The following BDP1 variants were observed in gnomAD, a reference collection of about 807,000 sequenced individuals.
BDP1 encodes the protein transcription factor TFIIIB component B'' homolog.
BDP1 carries 169 observed loss-of-function variants against 266.6 expected under a neutral mutation model. That is an observed-to-expected ratio of 0.63 (90% CI 0.56 to 0.72). BDP1 has a LOEUF of 0.72. BDP1 is among the 30% of genes least tolerant of loss of function. The probability of loss-of-function intolerance (pLI) is 0.00; values close to 1 mark genes in which losing one functional copy is unlikely to be tolerated. For synonymous variants in BDP1, 1,090 were observed against 1,022.4 expected, an observed-to-expected ratio of 1.07 and a Z score of -1.26; for missense variants, 3,015 against 3,053.8, an observed-to-expected ratio of 0.99 and a Z score of 0.30.
the BDP1 span, among the ~76,000 whole-genome samples, chr5:71,574,768 A>C: frequency 6.6e-6 from 1 of 152,210 alleles, no homozygotes; most frequent in Non-Finnish European, 1.5e-5. Flanking sequence ...ATTCCCTGCA[A>C]ATTACACCCT....
In BDP1 at chr5:71,510,394, A is replaced by G. The variant is rs1296398448; in HGVS notation, c.3302A>G (p.Gln1101Arg). 1.2e-6 allele frequency: 2 copies of G among 1,613,896 alleles called. No homozygotes were observed. The highest frequency in any genetic ancestry group is 1.7e-6 in the Non-Finnish European group (2 of 1,180,014). ...LEETEREISP[Q>R]ENGLEEVKPL... ...GAAACTGAAAGAGAAATATCCCCACAGGAAAATGGCCTAGAGGAGGTTAAG... is the reference window on the plus strand; with the variant it reads ...GAAACTGAAAGAGAAATATCCCCACGGGAAAATGGCCTAGAGGAGGTTAAG... Residue 1101 changes from glutamine to arginine, a missense_variant, in exon 17 of 39, where the codon CAG (glutamine) becomes CGG (arginine). Physicochemically the swap from Gln to Arg is conservative, Grantham distance 43. Around this residue, in one of 3 missense-constraint regions of BDP1, gnomAD observed 2,383 missense variants for 2,404.9 expected, o/e 0.99. Coordinates refer to ENST00000358731, the MANE Select transcript of BDP1 (RefSeq NM_018429.3).
rs900201159 is a variant in BDP1, at chr5:71,566,883, A to G, written c.*1998A>G. 2 of 152,244 alleles carry G rather than the reference A, an allele frequency of 1.3e-5. No individual in the cohort carries two copies. The highest frequency in any genetic ancestry group is 4.8e-5 in the African/African-American group (2 of 41,468). 9.4% of individuals were successfully genotyped at this position (152,244 alleles called of 1,614,324 possible). A position where few individuals can be genotyped will look rare whatever the true frequency, so the allele number is the denominator to read the frequency against. On this transcript the variant is annotated 3_prime_UTR_variant, in exon 39 of 39. Transcript: ENST00000358731. ...ATAATTATGTTTGTATATTGAAAAA[A>G]TGGTGGCCAGTTTTTAAGTTCCTTA... is the stretch of plus-strand genomic sequence containing the variant.
At chr5:71,491,674 C>T (rs189905140) in intron 11 of BDP1, among the ~76,000 whole-genome samples, 6 of 152,168 alleles carry the variant, frequency 3.9e-5, no homozygotes, top group South Asian at 4.2e-4. Context: ...CTATTTCCTC[C>T]GCCTCCCAGC....
rs564127239 is a variant in BDP1 at position 71,562,195 on chromosome 5, C to CAAAAA, written c.7497-55_7497-51dup. Reference sequence around the variant, plus strand: ...CCTGGGTGAGAGTGAGACTGCGTCTCAAAAAAAAAAAAAAAAAAAAAAAAA... The same window carrying CAAAAA: ...CCTGGGTGAGAGTGAGACTGCGTCTCAAAAAAAAAAAAAAAAAAAAAAAAAAAAAA... On this transcript the variant is annotated intron_variant, in intron 37 of 38. Coordinates refer to ENST00000358731, the MANE Select transcript of BDP1 (RefSeq NM_018429.3). 57 of 459,480 alleles carry CAAAAA rather than the reference C, an allele frequency of 1.2e-4. 1 individual carries two copies. The highest frequency in any genetic ancestry group is 5.0e-4 in the African/African-American group (11 of 22,034). 28.5% of individuals were successfully genotyped at this position (459,480 alleles called of 1,614,324 possible).
At position 71,532,792 on chromosome 5, in the gene BDP1, A is replaced by G. The variant is rs115344404; in HGVS notation, c.5892+365A>G. 5.6e-3 allele frequency among the ~76,000 whole-genome samples: 857 copies of G among 152,340 alleles called. 14 individuals are homozygous for G. Among genetic ancestry groups the G allele is most frequent in the African/African-American group, 0.02 (817 of 41,568 alleles). On this transcript the variant is annotated intron_variant, in intron 26 of 38. Coordinates refer to ENST00000358731, the MANE Select transcript of BDP1 (RefSeq NM_018429.3). ...TTTTTAAAAACAGCTTTATTGACATATAATTTACACACCATATGATTTTCT... is the reference window on the plus strand; with the variant it reads ...TTTTTAAAAACAGCTTTATTGACATGTAATTTACACACCATATGATTTTCT...
At position 71,455,929 on chromosome 5, in the gene BDP1, G is replaced by C; in HGVS notation, c.52G>C (p.Gly18Arg). Residue 18 changes from glycine to arginine, a missense_variant, in exon 1 of 39, where the codon GGC (glycine) becomes CGC (arginine). Coordinates refer to ENST00000358731, the MANE Select transcript of BDP1 (RefSeq NM_018429.3). ...GAAGCCGAATGTCAGGCCTGGTGTA[G>C]GCGCCAGGGGCTCCACAGCTTCCAA... is the stretch of plus-strand genomic sequence containing the variant. ...SVKPNVRPGV[G>R]ARGSTASNPQ... is the part of the protein sequence containing the mutation. The C allele has an allele frequency of 6.2e-7, 1 of 1,611,048 alleles. No homozygotes were observed. Among genetic ancestry groups the C allele is most frequent in the Middle Eastern group, 1.7e-4 (1 of 6,048 alleles).
In BDP1 at chr5:71,539,054, A is replaced by G; in HGVS notation, c.5905A>G (p.Ser1969Gly). Residue 1969 changes from serine (S) to glycine (G), a missense_variant, in exon 27 of 39, where the codon AGT (serine) becomes GGT (glycine). Around this residue, in one of 3 missense-constraint regions of BDP1, gnomAD observed 2,383 missense variants for 2,404.9 expected, o/e 0.99. Transcript: ENST00000358731. Reference protein sequence around the residue: ...NLSVPFEMTTSEHIQDEPGTN... With the variant: ...NLSVPFEMTTGEHIQDEPGTN... ...TTTTCCTTTTTAGGAAATGACCACA[A>G]GTGAACATATCCAAGATGAACCAGG... is the stretch of plus-strand genomic sequence containing the variant. 6.2e-7 allele frequency: 1 copy of G among 1,603,796 alleles called. No homozygotes were observed. Among genetic ancestry groups the G allele is most frequent in the Admixed American group, 1.7e-5 (1 of 58,544 alleles).
intron 31 of BDP1, 24 bp downstream of exon 31, chr5:71,544,531 G>T: frequency 6.3e-7 from 1 of 1,598,012 alleles, no homozygotes; most frequent in Non-Finnish European, 8.5e-7. Flanking sequence ...GAGGTTCTGA[G>T]ATTCAGTTTA....
chr5:71,480,783 C>T (rs570932900), intron 7 of BDP1, among the ~76,000 whole-genome samples: 9 of 152,192 alleles, frequency 5.9e-5, no homozygotes, highest in South Asian at 4.2e-4. Context: ...AGGCTGGTCT[C>T]GAACTCCTGA....
chr5:71,473,991 T>G (rs979164848), intron 7 of BDP1, among the ~76,000 whole-genome samples: 1 of 151,898 alleles, frequency 6.6e-6, no homozygotes, highest in Admixed American at 6.6e-5. Flanking sequence ...ATACATTTCG[T>G]TTTTTTTGAC....
chr5:71,569,880 T>G (rs1014260638), downstream of BDP1, among the ~76,000 whole-genome samples: 22 of 152,198 alleles, frequency 1.4e-4, no homozygotes, highest in African/African-American at 5.1e-4. Context: ...TGTGAAACAT[T>G]GTTCATTCGG....
At chr5:71,502,068 C>G (rs956292748) in intron 14 of BDP1, among the ~76,000 whole-genome samples, 2 of 151,938 alleles carry the variant, frequency 1.3e-5, no homozygotes, top group African/African-American at 4.8e-5. Flanking sequence ...CTATAGTATC[C>G]TTAGTCAGGA....
chr5:71,465,811 G>A (rs931908298), intron 4 of BDP1, among the ~76,000 whole-genome samples: 1 of 152,112 alleles, frequency 6.6e-6, no homozygotes, highest in East Asian at 1.9e-4. Flanking sequence ...AACCCAGGAG[G>A]CGGAGGTTGC....
chr5:71,520,703 G>A (rs568305303), intron 22 of BDP1, among the ~76,000 whole-genome samples: 3 of 149,898 alleles, frequency 2.0e-5, no homozygotes, highest in Admixed American at 2.0e-4. Context: ...TGCTGATGAT[G>A]TAGGAATAAA....
chr5:71,529,808 G>T (rs533358206), intron 25 of BDP1, among the ~76,000 whole-genome samples: 30 of 152,222 alleles, frequency 2.0e-4, no homozygotes, highest in Non-Finnish European at 3.4e-4. Flanking sequence ...ACAAAGTATC[G>T]CATACTGTGT....
chr5:71,506,324 C>A (rs1284813481), intron 16 of BDP1, among the ~76,000 whole-genome samples: 1 of 152,138 alleles, frequency 6.6e-6, no homozygotes, highest in African/African-American at 2.4e-5. Flanking sequence ...CTTTGAATCT[C>A]CAGAATCCTC....
intron 38 of BDP1, among the ~76,000 whole-genome samples, chr5:71,563,505 G>A (rs906238526): frequency 1.5e-4 from 23 of 152,050 alleles, no homozygotes; most frequent in Non-Finnish European, 7.4e-5. Context: ...TTTTTTCTCT[G>A]TATGTCATTT....
At chr5:71,525,603 T>TC (rs1327686082) in intron 25 of BDP1, among the ~76,000 whole-genome samples, 11 of 62,082 alleles carry the variant, frequency 1.8e-4, no homozygotes, top group South Asian at 6.8e-4. Context: ...CCCCCCAACC[T>TC]CCTTCCCGGA....
intron 8 of BDP1, among the ~76,000 whole-genome samples, chr5:71,484,245 T>C (rs1580041360): frequency 6.6e-6 from 1 of 152,182 alleles, no homozygotes; most frequent in Non-Finnish European, 1.5e-5. Flanking sequence ...TGGTTCTTTC[T>C]GGTTCTGAAT....
Sources: allele counts gnomAD v4.1 joint callset (sites outside exome capture counted in the v4.1 genomes callset), GRCh38; gene constraint gnomAD v4.1.1; regional missense constraint gnomAD v4.1.1; transcripts MANE v1.5; gene names NCBI Gene and HGNC (gene_info 2026-07-23, HGNC 2026-07-21).